Variants in WDR59 observed in about 807,000 individuals in gnomAD.
WDR59 encodes GATOR2 complex protein WDR59.
A neutral mutation model predicts 131.2 loss-of-function variants in WDR59; 100 were observed. The ratio of observed to expected loss-of-function variants is 0.76; its 90% confidence interval spans 0.65 to 0.90. WDR59 has a LOEUF of 0.90. Ranked by LOEUF, WDR59 falls within the 40% of genes least tolerant of loss-of-function variation. The pLI is 0.00. For missense variants in WDR59, 1,203 were observed against 1,262.2 expected (o/e 0.95, Z 0.71); for synonymous variants, 601 against 466.2 (o/e 1.29, Z -3.72).
chr16:74,965,281 T>C (rs1230292500), intron 2 of WDR59, among the ~76,000 whole-genome samples: 1 of 136,916 alleles, frequency 7.3e-6, no homozygotes, highest in Admixed American at 7.5e-5. Flanking sequence ...TTAAAAATTT[T>C]GAGCCAGAAG....
In WDR59 at chr16:74,952,028, G is replaced by A. The variant is rs76313873; in HGVS notation, c.241-485C>T. On this transcript the variant is annotated intron_variant, in intron 3 of 25. Coordinates refer to ENST00000262144, the MANE Select transcript of WDR59 (RefSeq NM_030581.4). ...TTGAGATGGGATCTACATTGCCCACGCTTTTCTAGAACTCCTAGGCTCAAA... is the reference window on the plus strand; with the variant it reads ...TTGAGATGGGATCTACATTGCCCACACTTTTCTAGAACTCCTAGGCTCAAA... Among the ~76,000 whole-genome samples the A allele has an allele frequency of 5.6e-3, 836 of 150,044 alleles. 4 individuals are homozygous for A. Among genetic ancestry groups the A allele is most frequent in the African/African-American group, 0.019 (792 of 40,766 alleles).
intron 25 of WDR59, among the ~76,000 whole-genome samples, chr16:74,875,978 C>G (rs1319498573): frequency 6.6e-6 from 1 of 152,032 alleles, no homozygotes; most frequent in Non-Finnish European, 1.5e-5. Flanking sequence ...TCTGCAAACT[C>G]TTCCCTCATG....
intron 23 of WDR59, 188 bp from the exon 24 acceptor site, chr16:74,886,584 T>C: frequency 3.1e-6 from 2 of 655,386 alleles, no homozygotes; most frequent in Non-Finnish European, 4.7e-6. Flanking sequence ...AGGTATTTAT[T>C]ACTAAGAGAA....
intron 20 of WDR59, among the ~76,000 whole-genome samples, chr16:74,891,749 C>T (rs1045254388): frequency 7.2e-5 from 11 of 152,096 alleles, no homozygotes; most frequent in African/African-American, 2.2e-4. Context: ...ATGGTGAAAC[C>T]CCATCTCTAC....
rs577407456 is a variant in WDR59 at position 74,918,581 on chromosome 16, T to C, written c.887-573A>G. Among the ~76,000 whole-genome samples, 23 of 152,368 alleles carry C rather than the reference T, an allele frequency of 1.5e-4. No individual in the cohort carries two copies. The South Asian group carries it at 4.6e-3, about 30-fold the overall frequency. ...AATAATCAATCCTTAATGTACTTAA[T>C]TGACTGAATCATATTTTCATCTTAA... is the stretch of plus-strand genomic sequence containing the variant. On this transcript the variant is annotated intron_variant, in intron 10 of 25. Coordinates refer to ENST00000262144, the MANE Select transcript of WDR59 (RefSeq NM_030581.4).
At chr16:74,954,456 A>G (rs556009480) in intron 3 of WDR59, among the ~76,000 whole-genome samples, 4 of 152,318 alleles carry the variant, frequency 2.6e-5, no homozygotes, top group African/African-American at 9.6e-5. Context: ...TCACACCTTC[A>G]CACCCACTAG....
intron 25 of WDR59, among the ~76,000 whole-genome samples, chr16:74,876,318 A>T (rs1964208385): frequency 6.6e-6 from 1 of 152,222 alleles, no homozygotes; most frequent in Non-Finnish European, 1.5e-5. Context: ...TATTATGTAC[A>T]AACTTTGGTT....
At chr16:74,936,167 C>T (rs2031783178) in intron 8 of WDR59, among the ~76,000 whole-genome samples, 1 of 152,062 alleles carries the variant, frequency 6.6e-6, no homozygotes, top group Non-Finnish European at 1.5e-5. Context: ...TAGGCATGAG[C>T]CACCATGCCC....
chr16:74,981,660 A>ATATATATATTTTTTTTTT (rs1567451007), intron 1 of WDR59, among the ~76,000 whole-genome samples: 6 of 80,874 alleles, frequency 7.4e-5, no homozygotes, highest in South Asian at 4.5e-4. Flanking sequence ...ATATATATAT[A>ATATATATATTTTTTTTTT]TTTTTTTTTT....
In WDR59 at chr16:74,889,798, C is replaced by G. The variant is rs145360783; in HGVS notation, c.2100G>C (p.Thr700=). Reference sequence around the variant, plus strand: ...GACCAAGGCAAAGATCTGTAGCTACCGTAGCCAGCGACCAAACCTGGACAG... The same window carrying G: ...GACCAAGGCAAAGATCTGTAGCTACGGTAGCCAGCGACCAAACCTGGACAG... ...KDLVQVWSLA[T]VATDLCLGPK... is the part of the protein sequence containing the mutation. Residue 700 remains threonine (T), a synonymous_variant, in exon 21 of 26, where the codon ACG becomes ACC. Coordinates refer to ENST00000262144, the MANE Select transcript of WDR59 (RefSeq NM_030581.4). 3.5e-5 allele frequency: 56 copies of G among 1,613,858 alleles called. No individual in the cohort carries two copies. Among genetic ancestry groups the G allele is most frequent in the Non-Finnish European group, 4.5e-5 (53 of 1,179,974 alleles).
At chr16:74,913,575 G>A (rs778314404) in intron 13 of WDR59, among the ~76,000 whole-genome samples, 1 of 152,148 alleles carries the variant, frequency 6.6e-6, no homozygotes, top group Admixed American at 6.5e-5. Context: ...ACAGGCATGA[G>A]CCACCACGAA....
intron 8 of WDR59, among the ~76,000 whole-genome samples, chr16:74,933,067 T>G (rs2031523749): frequency 1.3e-5 from 2 of 152,124 alleles, no homozygotes; most frequent in African/African-American, 4.8e-5. Flanking sequence ...GTGCAAAACA[T>G]TATATGGATA....
chr16:74,970,495 CAAAAAAAAAAAAAAAA>C (rs746574195), intron 1 of WDR59, among the ~76,000 whole-genome samples: 46 of 33,444 alleles, frequency 1.4e-3, no homozygotes, highest in African/African-American at 2.0e-3. Flanking sequence ...ACTCTGTCTC[CAAAAAAAAAAAAAAAA>C]AAAAAAAAAA....
intron 2 of WDR59, among the ~76,000 whole-genome samples, chr16:74,957,704 T>C (rs1282861292): frequency 1.3e-5 from 2 of 152,202 alleles, no homozygotes; most frequent in East Asian, 3.8e-4. Context: ...CCTTGGTGTG[T>C]GAATCAACAT....
chr16:74,972,808 C>T (rs1194714697), intron 1 of WDR59, among the ~76,000 whole-genome samples: 1 of 110,980 alleles, frequency 9.0e-6, no homozygotes, highest in East Asian at 2.7e-4. Context: ...GGTGACAGAG[C>T]AGGACTCTGT....
Position 74,921,961 on chromosome 16 carries a change from C to T in WDR59, c.872G>A (p.Arg291Lys), listed in dbSNP as rs1431725649. The stretch of plus-strand genomic sequence containing the variant: ...CTCCCACTCACCTTCCTTCTGCTTC[C>T]TCCACTGGAACTCCAGGACCACATC... ...HDDVVLEFQW[R>K]KQKEGSKDYQ... The change falls in exon 10 of 26, where the codon AGG (arginine) becomes AAG (lysine). Residue 291 changes from arginine to lysine, a missense_variant. Physicochemically the swap from Arg to Lys is conservative, Grantham distance 26. Coordinates refer to ENST00000262144, the MANE Select transcript of WDR59 (RefSeq NM_030581.4). 23 of 1,613,918 alleles carry T rather than the reference C, an allele frequency of 1.4e-5. No individual in the cohort carries two copies. The highest frequency in any genetic ancestry group is 1.9e-5 in the Non-Finnish European group (22 of 1,179,964).
At chr16:74,876,130 G>T (rs184666540) in intron 25 of WDR59, among the ~76,000 whole-genome samples, 187 of 152,100 alleles carry the variant, frequency 1.2e-3, no homozygotes, top group African/African-American at 4.3e-3. Context: ...TGGCTGCTCT[G>T]TTGAATGACA....
intron 7 of WDR59, among the ~76,000 whole-genome samples, chr16:74,938,633 C>A: frequency 6.6e-6 from 1 of 152,258 alleles, no homozygotes; most frequent in East Asian, 1.9e-4. Context: ...ACTTCCTGGG[C>A]TCAAGCAGTC....
At chr16:74,976,102 T>C (rs1341899366) in intron 1 of WDR59, among the ~76,000 whole-genome samples, 1 of 152,220 alleles carries the variant, frequency 6.6e-6, no homozygotes, top group Non-Finnish European at 1.5e-5. Context: ...TCTATAGTTT[T>C]TCAAAATGAA....
Sources: gnomAD v4.1 joint callset for allele counts (sites outside exome capture counted in the v4.1 genomes callset) on GRCh38, gnomAD v4.1.1 for gene constraint, MANE v1.5 for transcripts, NCBI Gene and HGNC (gene_info 2026-07-23, HGNC 2026-07-21) for gene names.